Variants in FBXO47 observed in about 807,000 individuals in gnomAD.
FBXO47 encodes F-box only protein 47.
Under a neutral mutation model 53.9 loss-of-function variants are expected in FBXO47, and 34 were observed. The observed-to-expected ratio is 0.63, with a 90% CI of 0.48 to 0.84. The LOEUF is 0.84. Among genes scored for constraint, FBXO47 ranks in the 40% least tolerant of loss-of-function variants. FBXO47 has a pLI of 0.00. For missense variants in FBXO47, 485 were observed against 541.3 expected, an observed-to-expected ratio of 0.90 and a Z score of 1.03; for synonymous variants, 165 against 181.6, an observed-to-expected ratio of 0.91 and a Z score of 0.73.
intron 6 of FBXO47, among the ~76,000 whole-genome samples, chr17:38,948,248 C>CTGGGTGACAGA (rs1337622240): frequency 6.9e-5 from 9 of 130,604 alleles, no homozygotes; most frequent in African/African-American, 2.6e-4. Flanking sequence ...GAGTCTTGCT[C>CTGGGTGACAGA]GTCACCCAGG....
intron 8 of FBXO47, 75 bp from the exon 9 acceptor site, chr17:38,942,995 AATAT>A: frequency 8.1e-7 from 1 of 1,228,488 alleles, no homozygotes; most frequent in South Asian, 1.5e-5. Flanking sequence ...AAGTACATGC[AATAT>A]TTTATCTTTA....
chr17:38,955,106 G>C (rs576893908), intron 4 of FBXO47, among the ~76,000 whole-genome samples, 173 bp from the exon 5 acceptor site: 1 of 152,194 alleles, frequency 6.6e-6, no homozygotes, highest in Middle Eastern at 3.4e-3. Flanking sequence ...TAAAAGTCTC[G>C]GCTGCGCGCG....
chr17:38,937,513 C>T (rs1297292955), intron 10 of FBXO47, among the ~76,000 whole-genome samples: 2 of 151,750 alleles, frequency 1.3e-5, no homozygotes, highest in African/African-American at 2.4e-5. Context: ...TGTACCACCA[C>T]ACCTGGCTAA....
intron 1 of FBXO47, among the ~76,000 whole-genome samples, chr17:38,966,356 C>T (rs1357742661): frequency 1.3e-5 from 2 of 152,140 alleles, no homozygotes; most frequent in South Asian, 2.1e-4. Flanking sequence ...TGCCCGCCCC[C>T]ACGCCCAGCT....
intron 6 of FBXO47, among the ~76,000 whole-genome samples, chr17:38,950,197 T>C (rs925072983): frequency 2.6e-5 from 4 of 151,904 alleles, no homozygotes; most frequent in African/African-American, 9.7e-5. Context: ...CCTCAGCTCC[T>C]GGTAACCTCA....
At chr17:38,949,392 C>G (rs1905093947) in intron 6 of FBXO47, among the ~76,000 whole-genome samples, 1 of 152,036 alleles carries the variant, frequency 6.6e-6, no homozygotes, top group Non-Finnish European at 1.5e-5. Flanking sequence ...TGCACTTCAG[C>G]CTGGGTGATA....
intron 4 of FBXO47, among the ~76,000 whole-genome samples, chr17:38,956,919 A>C (rs1327224851): frequency 1.3e-5 from 2 of 152,188 alleles, no homozygotes; most frequent in African/African-American, 4.8e-5. Context: ...AATATACTTT[A>C]TACTCTGACA....
intron 6 of FBXO47, among the ~76,000 whole-genome samples, chr17:38,946,602 G>T (rs182876181): frequency 3.2e-5 from 1 of 31,236 alleles, no homozygotes; most frequent in Non-Finnish European, 5.0e-5. Context: ...ATAAATATAT[G>T]AATATATATA....
intron 6 of FBXO47, among the ~76,000 whole-genome samples, chr17:38,947,737 G>A (rs185330271): frequency 2.1e-3 from 321 of 152,090 alleles, no homozygotes; most frequent in African/African-American, 7.5e-3. Flanking sequence ...GTGAAATCCC[G>A]TCTTTACTAA....
chr17:38,966,378 T>A (rs1906130256), intron 1 of FBXO47, among the ~76,000 whole-genome samples: 1 of 152,136 alleles, frequency 6.6e-6, no homozygotes, highest in African/African-American at 2.4e-5. Flanking sequence ...ATTTCTGTAT[T>A]TTTAGTAGAG....
intron 1 of FBXO47, among the ~76,000 whole-genome samples, chr17:38,964,008 G>T (rs1905964218): frequency 6.6e-6 from 1 of 151,756 alleles, no homozygotes; most frequent in South Asian, 2.1e-4. Flanking sequence ...GTGTCTGCCT[G>T]TGTTGCCCAA....
rs1291969529 is a variant in FBXO47, at chr17:38,939,913, C to T, written c.1084-1181G>A. On this transcript the variant is annotated intron_variant, in intron 9 of 10. Coordinates refer to ENST00000378079, the MANE Select transcript of FBXO47 (RefSeq NM_001008777.3). ...CAATCTCCTGACCTCATGATCCACC[C>T]GCCTCGGCCTCCCAAAGTGCTGGGA... Among the ~76,000 whole-genome samples, 5 of 150,864 alleles carry T rather than the reference C, an allele frequency of 3.3e-5. No individual in the cohort carries two copies. In the South Asian group the frequency reaches 8.4e-4, roughly 25 times the overall value.
intron 5 of FBXO47, among the ~76,000 whole-genome samples, chr17:38,952,095 C>T (rs1461801179): frequency 1.3e-5 from 2 of 151,996 alleles, no homozygotes; most frequent in Admixed American, 6.6e-5. Flanking sequence ...GGGAGGCCAA[C>T]GTGTGCAGAT....
At chr17:38,960,450 T>C (rs1905767629) in intron 3 of FBXO47, among the ~76,000 whole-genome samples, 1 of 151,928 alleles carries the variant, frequency 6.6e-6, no homozygotes, top group African/African-American at 2.4e-5. Flanking sequence ...GATCAATACA[T>C]ATTTGTACTT....
chr17:38,958,983 G>C (rs1452995589), intron 3 of FBXO47, among the ~76,000 whole-genome samples: 1 of 151,946 alleles, frequency 6.6e-6, no homozygotes, highest in Non-Finnish European at 1.5e-5. Flanking sequence ...TTAATTCTTA[G>C]AATTCTACTC....
intron 6 of FBXO47, among the ~76,000 whole-genome samples, chr17:38,946,114 A>G (rs1478860250): frequency 8.9e-6 from 1 of 112,122 alleles, no homozygotes; most frequent in African/African-American, 3.9e-5. Context: ...ATATAAATAC[A>G]TAAATAAATA....
At position 38,962,414 on chromosome 17, in the gene FBXO47, G is replaced by A. The variant is rs541248511; in HGVS notation, c.182-367C>T. On this transcript the variant is annotated intron_variant, in intron 2 of 10. Coordinates refer to ENST00000378079, the MANE Select transcript of FBXO47 (RefSeq NM_001008777.3). The stretch of plus-strand genomic sequence containing the variant: ...ACAGATCACCTGAGGTCAGGAGTTC[G>A]AGACCAGACTGATCAACATGGACAA... 7.9e-5 allele frequency among the ~76,000 whole-genome samples: 12 copies of A among 152,130 alleles called. No homozygotes were observed. The East Asian group carries it at 2.3e-3, about 29-fold the overall frequency.
chr17:38,955,866 G>A (rs1905526242), intron 4 of FBXO47, among the ~76,000 whole-genome samples: 1 of 148,996 alleles, frequency 6.7e-6, no homozygotes, highest in African/African-American at 2.5e-5. Flanking sequence ...GCTGAGGCAG[G>A]AGAATTGCTT....
rs541283321 is a variant in FBXO47 at position 38,939,269 on chromosome 17, G to GTC, written c.1084-538_1084-537insGA. On this transcript the variant is annotated intron_variant, in intron 9 of 10. Transcript: ENST00000378079. ...GATCATACCACTGCACTCCAGCCTGGGGGACAGAGCCAGACTCCATCTCCA... is the reference window on the plus strand; with the variant it reads ...GATCATACCACTGCACTCCAGCCTGGTCGGGACAGAGCCAGACTCCATCTCCA... 2.2e-3 allele frequency among the ~76,000 whole-genome samples: 278 copies of GTC among 125,960 alleles called. 2 individuals carry two copies. Among genetic ancestry groups the GTC allele is most frequent in the African/African-American group, 8.2e-3 (256 of 31,082 alleles). The allele number at this position is 125,960 out of a possible 152,430, so 82.6% of individuals were successfully genotyped here.
Sources: gnomAD v4.1 joint callset for allele counts (sites outside exome capture counted in the v4.1 genomes callset) on GRCh38, gnomAD v4.1.1 for gene constraint, MANE v1.5 for transcripts, NCBI Gene and HGNC (gene_info 2026-07-23, HGNC 2026-07-21) for gene names.